Variants in PRTG observed in about 807,000 individuals in gnomAD.
PRTG encodes protogenin.
Under a neutral mutation model 122.5 loss-of-function variants are expected in PRTG, and 67 were observed. That is an observed-to-expected ratio of 0.55 (90% CI 0.45 to 0.67). The LOEUF (loss-of-function observed/expected upper bound fraction) is 0.67, where lower values mean the gene tolerates loss of function less well. Among genes scored for constraint, PRTG ranks in the 30% least tolerant of loss-of-function variants. PRTG has a pLI of 0.00. For synonymous variants in PRTG, 554 were observed against 501.1 expected, an observed-to-expected ratio of 1.11 and a Z score of -1.41; for missense variants, 1,435 against 1,415.4, an observed-to-expected ratio of 1.01 and a Z score of -0.22.
At chr15:55,682,973 G>C (rs573272708) in intron 3 of PRTG, among the ~76,000 whole-genome samples, 19 of 152,064 alleles carry the variant, frequency 1.2e-4, no homozygotes, top group Non-Finnish European at 2.8e-4. Context: ...TGATTCTATT[G>C]TTTTCATTTG....
intron 11 of PRTG, among the ~76,000 whole-genome samples, chr15:55,642,382 C>T (rs1329303070): frequency 2.0e-5 from 3 of 151,588 alleles, no homozygotes; most frequent in Admixed American, 1.3e-4. Context: ...TTTGGGAGGC[C>T]GAGGCGGGTG....
At position 55,641,163 on chromosome 15, in the gene PRTG, A is replaced by G. The variant is rs747248788; in HGVS notation, c.2087T>C (p.Ile696Thr). 23 of 1,613,986 alleles carry G rather than the reference A, an allele frequency of 1.4e-5. No individual in the cohort carries two copies. The highest frequency in any genetic ancestry group is 1.9e-5 in the Non-Finnish European group (23 of 1,179,908). Reference protein sequence around the residue: ...YHVRLLAYNNIDDGYQADQTV... With the variant: ...YHVRLLAYNNTDDGYQADQTV... The stretch of plus-strand genomic sequence containing the variant: ...CTGATCTGCCTGATAGCCATCGTCT[A>G]TGTTGTTGTAAGCCAGGAGTCTCAC... The change falls in exon 12 of 20, where the codon ATA becomes ACA. Residue 696 changes from isoleucine (I) to threonine (T), a missense_variant. Coordinates refer to ENST00000389286, the MANE Select transcript of PRTG (RefSeq NM_173814.6).
At chr15:55,646,028 G>C (rs2141746806) in intron 11 of PRTG, among the ~76,000 whole-genome samples, 1 of 152,054 alleles carries the variant, frequency 6.6e-6, no homozygotes, top group Non-Finnish European at 1.5e-5. Context: ...ATTTTTTTGA[G>C]ACAGAGTCTT....
At position 55,656,084 on chromosome 15, in the gene PRTG, A is replaced by T. The variant is rs1595623797; in HGVS notation, c.2042-14876T>A. On this transcript the variant is annotated intron_variant, in intron 11 of 19. Coordinates refer to ENST00000389286, the MANE Select transcript of PRTG (RefSeq NM_173814.6). ...CTAAAAAGGGATGTTCTCCAACATA[A>T]ACACAGTATTATTATACCCAACAAA... 2.6e-5 allele frequency: 5 copies of T among 189,098 alleles called. No individual in the cohort carries two copies. In the East Asian group the frequency reaches 7.7e-4, roughly 29 times the overall value. 11.7% of individuals were successfully genotyped at this position (189,098 alleles called of 1,614,324 possible). A position where few individuals can be genotyped will look rare whatever the true frequency, so the allele number is the denominator to read the frequency against.
intron 12 of PRTG, chr15:55,640,108 C>CAG (rs143014686): frequency 0.013 from 4,003 of 304,946 alleles, 166 homozygotes; most frequent in African/African-American, 0.081. Flanking sequence ...CTGTGGCTGT[C>CAG]AGAGTGCAGT....
chr15:55,680,653 T>A (rs781118891), intron 4 of PRTG, 25 bp from the exon 5 acceptor site: 1 of 1,408,120 alleles, frequency 7.1e-7, no homozygotes, highest in Non-Finnish European at 9.5e-7. Context: ...AGACAGAATA[T>A]AAAAATAAAT....
chr15:55,621,207 C>A (rs1007961157), intron 18 of PRTG, among the ~76,000 whole-genome samples: 1 of 152,018 alleles, frequency 6.6e-6, no homozygotes, highest in Non-Finnish European at 1.5e-5. Context: ...CAAAAATTAG[C>A]CAGGCGTGGT....
chr15:55,693,021 T>C (rs2141831304), intron 2 of PRTG, among the ~76,000 whole-genome samples: 1 of 151,674 alleles, frequency 6.6e-6, no homozygotes, highest in African/African-American at 2.4e-5. Flanking sequence ...TTTTTTTTTT[T>C]GTATTTTCAG....
chr15:55,656,283 T>G, intron 11 of PRTG: 1 of 448,850 alleles, frequency 2.2e-6, no homozygotes, highest in Non-Finnish European at 4.5e-6. Flanking sequence ...AAGGATGGCA[T>G]TTCCAGTTGA....
At chr15:55,679,998 A>T in intron 6 of PRTG, 56 bp downstream of exon 6, 1 of 1,440,418 alleles carries the variant, frequency 6.9e-7, no homozygotes, top group Non-Finnish European at 9.7e-7. Context: ...GAATGAGATA[A>T]AACGGCAAAT....
intron 2 of PRTG, among the ~76,000 whole-genome samples, chr15:55,714,369 G>C (rs2030518903): frequency 6.6e-6 from 1 of 151,888 alleles, no homozygotes; most frequent in Non-Finnish European, 1.5e-5. Context: ...TGGGACTACA[G>C]ATGTGCACCC....
intron 2 of PRTG, among the ~76,000 whole-genome samples, chr15:55,684,997 T>C (rs1281213976): frequency 1.3e-5 from 2 of 152,186 alleles, no homozygotes; most frequent in East Asian, 1.9e-4. Flanking sequence ...TCAGTGTCCA[T>C]GATCACATTT....
chr15:55,634,261 GT>G (rs1417105502), intron 15 of PRTG, among the ~76,000 whole-genome samples: 1 of 151,332 alleles, frequency 6.6e-6, no homozygotes, highest in Admixed American at 6.6e-5. Context: ...TAGAGATGAG[GT>G]TTCACTATGT....
chr15:55,733,044 A>T (rs2031290165), intron 2 of PRTG, among the ~76,000 whole-genome samples: 1 of 151,962 alleles, frequency 6.6e-6, no homozygotes, highest in Non-Finnish European at 1.5e-5. Flanking sequence ...CCCCATCTCT[A>T]CCAAAAATAT....
At chr15:55,715,289 T>C (rs1245651576) in intron 2 of PRTG, among the ~76,000 whole-genome samples, 4 of 152,188 alleles carry the variant, frequency 2.6e-5, no homozygotes, top group Admixed American at 1.3e-4. Context: ...ATCTAAATTT[T>C]CAGGCTAATC....
At chr15:55,667,725 T>G (rs1172413292) in intron 11 of PRTG, among the ~76,000 whole-genome samples, 1 of 152,234 alleles carries the variant, frequency 6.6e-6, no homozygotes, top group Non-Finnish European at 1.5e-5. Flanking sequence ...GCAAGCAGTT[T>G]CCAAAAGTAT....
chr15:55,716,846 CATAT>C (rs1398388989), intron 2 of PRTG, among the ~76,000 whole-genome samples: 1 of 151,524 alleles, frequency 6.6e-6, no homozygotes, highest in African/African-American at 2.4e-5. Context: ...TGTGTATGTA[CATAT>C]ATATATGTAC....
Position 55,639,507 on chromosome 15 carries a change from C to T in PRTG, c.2324+135G>A, listed in dbSNP as rs114835232. The T allele has an allele frequency of 5.6e-3, 3,679 of 662,476 alleles. 74 individuals are homozygous for T. The highest frequency in any genetic ancestry group is 0.047 in the African/African-American group (2,601 of 55,600). 41.0% of individuals were successfully genotyped at this position (662,476 alleles called of 1,614,324 possible). A position where few individuals can be genotyped will look rare whatever the true frequency, so the allele number is the denominator to read the frequency against. ...AAGGATGCAAAACTCCTAGCCACTT[C>T]ATAAATAACTTAAGTCCTGAAACAA... On this transcript the variant is annotated intron_variant, in intron 13 of 19. Transcript: ENST00000389286.
intron 2 of PRTG, among the ~76,000 whole-genome samples, chr15:55,710,385 T>G (rs1468578246): frequency 6.6e-6 from 1 of 152,228 alleles, no homozygotes; most frequent in African/African-American, 2.4e-5. Context: ...GGCTACTATG[T>G]GAATTAAATA....
Sources: gnomAD v4.1 joint callset for allele counts (sites outside exome capture counted in the v4.1 genomes callset) on GRCh38, gnomAD v4.1.1 for gene constraint, MANE v1.5 for transcripts, NCBI Gene and HGNC (gene_info 2026-07-23, HGNC 2026-07-21) for gene names.